NR6A1: variants seen among roughly 807,000 people sequenced by gnomAD.
NR6A1 encodes the protein retinoic acid receptor-related testis-associated receptor.
A neutral mutation model predicts 59.1 loss-of-function variants in NR6A1; 7 were observed. The observed-to-expected ratio is 0.12, with a 90% CI of 0.07 to 0.22. The LOEUF (loss-of-function observed/expected upper bound fraction) is 0.22, where lower values mean the gene tolerates loss of function less well. Ranked by LOEUF, NR6A1 falls within the 10% of genes least tolerant of loss-of-function variation. The pLI is 1.00. For synonymous variants in NR6A1, 243 were observed against 236.1 expected, an observed-to-expected ratio of 1.03 and a Z score of -0.27; for missense variants, 468 against 611.6, an observed-to-expected ratio of 0.77 and a Z score of 2.48.
In NR6A1 at chr9:124,521,663, A is replaced by C. The variant is rs564230059; in HGVS notation, c.*1042T>G. ...AACAGATTTCAAAAGGGGAGTGTCT[A>C]TTCTTTTTGCAGTCTGGCCTTGCCC... On this transcript the variant is annotated 3_prime_UTR_variant, in exon 10 of 10. Transcript: ENST00000487099. 3 of 152,344 alleles carry C rather than the reference A, an allele frequency of 2.0e-5. No individual in the cohort carries two copies. Among genetic ancestry groups the C allele is most frequent in the Admixed American group, 2.0e-4 (3 of 15,308 alleles). 9.4% of individuals were successfully genotyped at this position (152,344 alleles called of 1,614,324 possible). A position where few individuals can be genotyped will look rare whatever the true frequency, so the allele number is the denominator to read the frequency against.
chr9:124,660,987 C>G (rs1187470000), intron 2 of NR6A1, among the ~76,000 whole-genome samples: 1 of 152,028 alleles, frequency 6.6e-6, no homozygotes, highest in Non-Finnish European at 1.5e-5. Flanking sequence ...TTAAATACAT[C>G]AAAACTCGAG....
intron 2 of NR6A1, among the ~76,000 whole-genome samples, chr9:124,561,865 T>C (rs149231165): frequency 4.6e-5 from 7 of 152,164 alleles, no homozygotes; most frequent in Non-Finnish European, 8.8e-5. Flanking sequence ...TGAGCCAAGA[T>C]TGCACCACTG....
intron 7 of NR6A1, among the ~76,000 whole-genome samples, chr9:124,532,731 T>C (rs1833136474): frequency 6.6e-6 from 1 of 152,196 alleles, no homozygotes; most frequent in Non-Finnish European, 1.5e-5. Context: ...ACAGCAACGC[T>C]CAATAAAACT....
chr9:124,567,451 C>G (rs1225995003), intron 2 of NR6A1, among the ~76,000 whole-genome samples: 4 of 152,264 alleles, frequency 2.6e-5, no homozygotes, highest in Admixed American at 1.3e-4. Context: ...ACGAAGACTG[C>G]ATTGTCAAAT....
intron 2 of NR6A1, among the ~76,000 whole-genome samples, chr9:124,625,110 T>C (rs903573229): frequency 2.6e-5 from 4 of 152,142 alleles, no homozygotes; most frequent in East Asian, 1.9e-4. Flanking sequence ...ACAGAGAGTA[T>C]AGCCAAGGAC....
intron 7 of NR6A1, among the ~76,000 whole-genome samples, chr9:124,528,136 T>C (rs1832992449): frequency 6.6e-6 from 1 of 152,208 alleles, no homozygotes; most frequent in Admixed American, 6.5e-5. Flanking sequence ...GAACTATTGC[T>C]TTCTGGAATC....
chr9:124,568,197 AAAC>A (rs1834330201), intron 2 of NR6A1, among the ~76,000 whole-genome samples: 1 of 147,754 alleles, frequency 6.8e-6, no homozygotes, highest in Non-Finnish European at 1.5e-5. Flanking sequence ...AAAAAAAAAG[AAAC>A]AGAGGCTGGG....
intron 1 of NR6A1, 45 bp from the exon 2 acceptor site, chr9:124,733,394 C>T: frequency 7.0e-7 from 1 of 1,419,792 alleles, no homozygotes; most frequent in South Asian, 1.2e-5. Context: ...TTGTGAATTA[C>T]TTCAAGCTGA....
chr9:124,626,751 T>C (rs1053097373), intron 2 of NR6A1, among the ~76,000 whole-genome samples: 18 of 151,958 alleles, frequency 1.2e-4, no homozygotes, highest in Admixed American at 3.9e-4. Context: ...CTGGCCAAGA[T>C]GGTGAAACCC....
At chr9:124,635,711 T>C (rs181985940) in intron 2 of NR6A1, among the ~76,000 whole-genome samples, 1 of 152,356 alleles carries the variant, frequency 6.6e-6, no homozygotes, top group African/African-American at 2.4e-5. Context: ...CATATTTCTT[T>C]TTAGAACTGA....
chr9:124,630,866 C>T (rs1416191661), intron 2 of NR6A1, among the ~76,000 whole-genome samples: 3 of 150,674 alleles, frequency 2.0e-5, no homozygotes, highest in East Asian at 4.0e-4. Flanking sequence ...TTAGTAGAGA[C>T]GGAGTTTTTC....
chr9:124,701,467 C>T (rs1361392348), intron 2 of NR6A1, among the ~76,000 whole-genome samples: 2 of 152,268 alleles, frequency 1.3e-5, no homozygotes, highest in Middle Eastern at 3.4e-3. Flanking sequence ...ATTCACAATG[C>T]TGTGCAACCA....
intron 2 of NR6A1, among the ~76,000 whole-genome samples, chr9:124,630,425 CG>C (rs1163974025): frequency 6.7e-6 from 1 of 149,714 alleles, no homozygotes; most frequent in Non-Finnish European, 1.5e-5. Flanking sequence ...TTAGTAGAGA[CG>C]GGGTTTCATT....
In NR6A1 at chr9:124,576,959, G is replaced by A. The variant is rs147288904; in HGVS notation, c.143-22389C>T. On this transcript the variant is annotated intron_variant, in intron 2 of 9. Transcript: ENST00000487099. Reference sequence around the variant, plus strand: ...TAGTCCCAGGTACTCGAGAGGCTGAGGTGGGAGGATCACTTGAGCCTGGGA... The same window carrying A: ...TAGTCCCAGGTACTCGAGAGGCTGAAGTGGGAGGATCACTTGAGCCTGGGA... Among the ~76,000 whole-genome samples the A allele has an allele frequency of 5.5e-3, 838 of 152,284 alleles. 7 individuals carry two copies. The highest frequency in any genetic ancestry group is 0.019 in the African/African-American group (797 of 41,544).
chr9:124,721,755 C>G (rs1839571691), intron 2 of NR6A1, among the ~76,000 whole-genome samples: 1 of 152,110 alleles, frequency 6.6e-6, no homozygotes, highest in Admixed American at 6.6e-5. Context: ...ACACAAAAAC[C>G]CTGATTATAT....
At chr9:124,661,830 T>C (rs1336274444) in intron 2 of NR6A1, among the ~76,000 whole-genome samples, 2 of 152,196 alleles carry the variant, frequency 1.3e-5, no homozygotes, top group Non-Finnish European at 2.9e-5. Context: ...TCTTTAGTTA[T>C]ACACACCACA....
intron 2 of NR6A1, among the ~76,000 whole-genome samples, chr9:124,728,048 A>G (rs1000049977): frequency 1.3e-5 from 2 of 148,894 alleles, no homozygotes; most frequent in African/African-American, 2.5e-5. Context: ...TTTTCTTGAG[A>G]CATAGTCTCA....
At chr9:124,657,318 T>A (rs567719795) in intron 2 of NR6A1, among the ~76,000 whole-genome samples, 1 of 152,040 alleles carries the variant, frequency 6.6e-6, no homozygotes, top group Non-Finnish European at 1.5e-5. Context: ...AAGAGACAGA[T>A]GGAATTATTT....
Position 124,703,207 on chromosome 9 carries a change from A to ATT in NR6A1, c.142+30099_142+30100dup, listed in dbSNP as rs80014383. On this transcript the variant is annotated intron_variant, in intron 2 of 9. Coordinates refer to ENST00000487099, the MANE Select transcript of NR6A1 (RefSeq NM_033334.4). ...GGCGTGAGCCACCACACACGGCCAC[A>ATT]TTTTTTTTTTTTTTTTTTTTTTTGA... Among the ~76,000 whole-genome samples the ATT allele has an allele frequency of 4.5e-3, 465 of 104,494 alleles. 10 individuals carry two copies. Among genetic ancestry groups the ATT allele is most frequent in the African/African-American group, 0.011 (263 of 24,832 alleles). 68.6% of individuals were successfully genotyped at this position (104,494 alleles called of 152,430 possible).
Sources: gnomAD v4.1 joint callset for allele counts (sites outside exome capture counted in the v4.1 genomes callset) on GRCh38, gnomAD v4.1.1 for gene constraint, MANE v1.5 for transcripts, NCBI Gene and HGNC (gene_info 2026-07-23, HGNC 2026-07-21) for gene names.